Variants in ATP9A observed in about 807,000 individuals in gnomAD.
ATP9A encodes the protein ATPase phospholipid transporting 9A.
ATP9A carries 52 observed loss-of-function variants against 144.1 expected under a neutral mutation model. The ratio of observed to expected loss-of-function variants is 0.36; its 90% confidence interval spans 0.29 to 0.45. ATP9A has a LOEUF of 0.45. Ranked by LOEUF, ATP9A falls within the 20% of genes least tolerant of loss-of-function variation. ATP9A has a pLI of 1.00. For synonymous variants in ATP9A, 582 were observed against 557.4 expected, an observed-to-expected ratio of 1.04 and a Z score of -0.62; for missense variants, 947 against 1,392.7, an observed-to-expected ratio of 0.68 and a Z score of 5.09.
chr20:51,759,291 C>T (rs2077869292), intron 1 of ATP9A, among the ~76,000 whole-genome samples: 1 of 152,212 alleles, frequency 6.6e-6, no homozygotes, highest in African/African-American at 2.4e-5. Flanking sequence ...TGGGTTTCAC[C>T]CACCAGCACA....
Position 51,598,265 on chromosome 20 carries a change from A to C in ATP9A, c.*2946T>G, listed in dbSNP as rs2077127699. 6.6e-6 allele frequency: 1 copy of C among 152,198 alleles called. No individual in the cohort carries two copies. Among genetic ancestry groups the C allele is most frequent in the African/African-American group, 2.4e-5 (1 of 41,446 alleles). 9.4% of individuals were successfully genotyped at this position (152,198 alleles called of 1,614,324 possible). A position where few individuals can be genotyped will look rare whatever the true frequency, so the allele number is the denominator to read the frequency against. ...TTCCCCCTGTCACACAACCATCATC[A>C]AAAGACATATGAACAATAATAAAAT... On this transcript the variant is annotated 3_prime_UTR_variant, in exon 28 of 28. Transcript: ENST00000338821.
At chr20:51,695,890 TA>T in intron 6 of ATP9A, among the ~76,000 whole-genome samples, 1 of 152,342 alleles carries the variant, frequency 6.6e-6, no homozygotes, top group Non-Finnish European at 1.5e-5. Context: ...CCACAAACTG[TA>T]TTTTTTAATG....
intron 13 of ATP9A, among the ~76,000 whole-genome samples, chr20:51,669,750 G>A (rs2077448058): frequency 6.6e-6 from 1 of 152,178 alleles, no homozygotes; most frequent in Non-Finnish European, 1.5e-5. Context: ...TAAAGGAAGT[G>A]TGGGTGTCAT....
intron 12 of ATP9A, 139 bp from the exon 13 acceptor site, chr20:51,670,248 C>A: frequency 1.5e-6 from 1 of 656,290 alleles, no homozygotes; most frequent in East Asian, 2.7e-5. Context: ...GGGGAAGACA[C>A]CTGCAGCATT....
rs1007401048 is a variant in ATP9A at position 51,598,602 on chromosome 20, TTCTTTGTCTTCCCC to T, written c.*2595_*2608del. On this transcript the variant is annotated 3_prime_UTR_variant, in exon 28 of 28. Coordinates refer to ENST00000338821, the MANE Select transcript of ATP9A (RefSeq NM_006045.3). ...TAACTCTAGTTTCTTGTTTGCTTATTTCTTTGTCTTCCCCACCACAACTAAGATGACCTCCGAGA... is the reference window on the plus strand; with the variant it reads ...TAACTCTAGTTTCTTGTTTGCTTATTACCACAACTAAGATGACCTCCGAGA... 2.0e-5 allele frequency: 3 copies of T among 152,142 alleles called. No homozygotes were observed. Among genetic ancestry groups the T allele is most frequent in the African/African-American group, 7.2e-5 (3 of 41,438 alleles). 9.4% of individuals were successfully genotyped at this position (152,142 alleles called of 1,614,324 possible). A position where few individuals can be genotyped will look rare whatever the true frequency, so the allele number is the denominator to read the frequency against.
intron 1 of ATP9A, among the ~76,000 whole-genome samples, chr20:51,763,538 C>T (rs2077891310): frequency 6.6e-6 from 1 of 152,020 alleles, no homozygotes; most frequent in South Asian, 2.1e-4. Context: ...TGGTCTGGAT[C>T]TCCTGACCTC....
rs765332263 is a variant in ATP9A, at chr20:51,625,289, T to G, written c.1919A>C (p.Glu640Ala). The change falls in exon 18 of 28, where the codon GAG (glutamate) becomes GCG (alanine). Residue 640 changes from glutamate (E) to alanine (A), a missense_variant. Transcript: ENST00000338821. ...LKVATVIESLEMEMELLCLTG... is the reference protein window; with the variant it reads ...LKVATVIESLAMEMELLCLTG... Reference sequence around the variant, plus strand: ...CAGGCACAGCAGTTCCATCTCCATCTCCAGGCTCTCGATCACCGTGGCCAC... The same window carrying G: ...CAGGCACAGCAGTTCCATCTCCATCGCCAGGCTCTCGATCACCGTGGCCAC... 1.2e-6 allele frequency: 2 copies of G among 1,614,192 alleles called. No individual in the cohort carries two copies. The highest frequency in any genetic ancestry group is 1.7e-6 in the Non-Finnish European group (2 of 1,180,020).
At chr20:51,660,918 T>C (rs1271333632) in intron 13 of ATP9A, among the ~76,000 whole-genome samples, 1 of 152,212 alleles carries the variant, frequency 6.6e-6, no homozygotes, top group East Asian at 1.9e-4. Context: ...GTTATGACTC[T>C]TTTTGCCCTG....
intron 13 of ATP9A, among the ~76,000 whole-genome samples, chr20:51,665,353 A>G (rs2077428390): frequency 1.3e-5 from 2 of 152,176 alleles, no homozygotes; most frequent in Admixed American, 1.3e-4. Flanking sequence ...AACATATTAA[A>G]AACTACAGAA....
At chr20:51,647,855 C>T (rs977106832) in intron 14 of ATP9A, among the ~76,000 whole-genome samples, 1 of 152,218 alleles carries the variant, frequency 6.6e-6, no homozygotes, top group Non-Finnish European at 1.5e-5. Context: ...AAGGGAGGCA[C>T]ATCTGACAGT....
chr20:51,642,186 A>C (rs1255607640), intron 14 of ATP9A, among the ~76,000 whole-genome samples: 1 of 151,070 alleles, frequency 6.6e-6, no homozygotes, highest in Non-Finnish European at 1.5e-5. Flanking sequence ...ATGGAGTCTC[A>C]CTCTGTCACC....
chr20:51,676,225 A>G lies in ATP9A; in HGVS notation c.800-17T>C, dbSNP rs1420576032. On this transcript the variant is annotated splice_polypyrimidine_tract_variant and intron_variant, in intron 9 of 27. Transcript: ENST00000338821. ...CAACAGTACCTAAAATGGAAAAAAG[A>G]AAAAAAAAAAAAGAAAAGAAATATT... 2.0e-6 allele frequency: 1 copy of G among 505,576 alleles called. No individual in the cohort carries two copies. The highest frequency in any genetic ancestry group is 5.9e-5 in the Admixed American group (1 of 16,920). The allele number at this position is 505,576 out of a possible 1,614,324, so 31.3% of individuals were successfully genotyped here. A position where few individuals can be genotyped will look rare whatever the true frequency, so the allele number is the denominator to read the frequency against.
chr20:51,618,487 T>C (rs1301236091), intron 21 of ATP9A, among the ~76,000 whole-genome samples, 175 bp downstream of exon 21: 1 of 152,086 alleles, frequency 6.6e-6, no homozygotes, highest in African/African-American at 2.4e-5. Context: ...CCAAGGGAAA[T>C]ATTAAAAATA....
At chr20:51,740,869 C>G (rs1439071721) in intron 1 of ATP9A, among the ~76,000 whole-genome samples, 1 of 151,840 alleles carries the variant, frequency 6.6e-6, no homozygotes, top group African/African-American at 2.4e-5. Flanking sequence ...GCCACAATAC[C>G]CGGCCCCAAT....
intron 6 of ATP9A, 44 bp downstream of exon 6, chr20:51,696,048 CT>C: frequency 6.5e-7 from 1 of 1,548,982 alleles, no homozygotes; most frequent in South Asian, 1.1e-5. Context: ...CAAATTACCA[CT>C]GAAAGGTTAA....
chr20:51,660,682 C>T (rs528160411), intron 13 of ATP9A, among the ~76,000 whole-genome samples: 7 of 152,294 alleles, frequency 4.6e-5, no homozygotes, highest in South Asian at 4.1e-4. Flanking sequence ...AATGGTCATG[C>T]GCATACATCC....
chr20:51,751,675 C>G (rs777692625), intron 1 of ATP9A, among the ~76,000 whole-genome samples: 1 of 152,126 alleles, frequency 6.6e-6, no homozygotes, highest in African/African-American at 2.4e-5. Flanking sequence ...GCAAGCTCCG[C>G]CTCCCGGGTT....
intron 1 of ATP9A, among the ~76,000 whole-genome samples, chr20:51,749,415 A>G (rs2077822306): frequency 6.6e-6 from 1 of 152,004 alleles, no homozygotes; most frequent in Non-Finnish European, 1.5e-5. Flanking sequence ...ACAGGTGCCC[A>G]CCACCATGCC....
intron 14 of ATP9A, among the ~76,000 whole-genome samples, chr20:51,653,331 C>G (rs751199124): frequency 6.6e-6 from 1 of 151,908 alleles, no homozygotes; most frequent in African/African-American, 2.4e-5. Flanking sequence ...AAGATTTATC[C>G]TCATGGAAAA....
Sources: gnomAD v4.1 joint callset for allele counts (sites outside exome capture counted in the v4.1 genomes callset) on GRCh38, gnomAD v4.1.1 for gene constraint, MANE v1.5 for transcripts, NCBI Gene and HGNC (gene_info 2026-07-23, HGNC 2026-07-21) for gene names.